S100A8: variants seen among roughly 807,000 people sequenced by gnomAD.
The protein encoded by S100A8 is protein S100-A8.
A neutral mutation model predicts 4.2 loss-of-function variants in S100A8; 1 was observed. The observed-to-expected ratio is 0.24, with a 90% CI of 0.08 to 1.12. The LOEUF is 1.12. S100A8 is among the 50% of genes most tolerant of loss of function. S100A8 has a pLI of 0.53. For missense variants in S100A8, 96 were observed against 111.8 expected, an observed-to-expected ratio of 0.86 and a Z score of 0.64; for synonymous variants, 41 against 44.7, an observed-to-expected ratio of 0.92 and a Z score of 0.33.
chr1:153,406,562 A>G, the S100A8 span, among the ~76,000 whole-genome samples: 1 of 152,206 alleles, frequency 6.6e-6, no homozygotes, highest in African/African-American at 2.4e-5. Context: ...GTCAGCACTC[A>G]CAGCATAAAT....
chr1:153,406,427 C>G, the S100A8 span, among the ~76,000 whole-genome samples: 2 of 152,084 alleles, frequency 1.3e-5, no homozygotes, highest in Non-Finnish European at 2.9e-5. Context: ...CTCTGTCCCA[C>G]TCTACTCTCT....
upstream of S100A8, among the ~76,000 whole-genome samples, chr1:153,392,644 C>T (rs577046329): frequency 3.5e-4 from 53 of 152,264 alleles, no homozygotes; most frequent in African/African-American, 1.1e-3. Flanking sequence ...GTGTTGTTGC[C>T]GAGGGCTAAA....
the S100A8 span, among the ~76,000 whole-genome samples, chr1:153,401,139 A>T: frequency 1.4e-4 from 22 of 152,246 alleles, no homozygotes; most frequent in African/African-American, 5.3e-4. Context: ...GACATCTCAC[A>T]TGCTTAATCA....
upstream of S100A8, among the ~76,000 whole-genome samples, chr1:153,393,360 T>A (rs533253446): frequency 1.1e-4 from 17 of 152,336 alleles, no homozygotes; most frequent in Admixed American, 8.5e-4. Flanking sequence ...TGTCTTTTCT[T>A]TGGGACCAGG....
chr1:153,416,102 G>A, the S100A8 span, among the ~76,000 whole-genome samples: 3 of 152,178 alleles, frequency 2.0e-5, no homozygotes, highest in African/African-American at 4.8e-5. Flanking sequence ...ACATTAAAAC[G>A]CTCAGTAAGC....
At chr1:153,401,464 G>A in the S100A8 span, among the ~76,000 whole-genome samples, 1 of 152,150 alleles carries the variant, frequency 6.6e-6, no homozygotes, top group Non-Finnish European at 1.5e-5. Context: ...TAAACATGGT[G>A]CCAAGCATGC....
chr1:153,403,944 G>A, the S100A8 span, among the ~76,000 whole-genome samples: 5 of 152,100 alleles, frequency 3.3e-5, no homozygotes, highest in African/African-American at 9.7e-5. Context: ...GATGCCAATC[G>A]CAGCACCTGA....
chr1:153,392,230 A>G (rs1211642294), upstream of S100A8, among the ~76,000 whole-genome samples: 6 of 152,240 alleles, frequency 3.9e-5, no homozygotes, highest in African/African-American at 1.4e-4. Flanking sequence ...ATGGTCAATA[A>G]GCATATGAAA....
At position 153,390,344 on chromosome 1, in the gene S100A8, G is replaced by A. The variant is rs766699265; in HGVS notation, c.141+51C>T. The A allele has an allele frequency of 2.4e-5, 38 of 1,607,174 alleles. No individual in the cohort carries two copies. The Admixed American group carries it at 5.7e-4, about 24-fold the overall frequency. On this transcript the variant is annotated intron_variant, in intron 2 of 2. Coordinates refer to ENST00000368733, the MANE Select transcript of S100A8 (RefSeq NM_002964.5). ...TGGCAGGGAGGACCGCTGGCCCAGG[G>A]CAGCCCCAGGACCAGGCAGAGAGCC...
the S100A8 span, among the ~76,000 whole-genome samples, chr1:153,396,283 C>A: frequency 6.6e-6 from 1 of 152,278 alleles, no homozygotes; most frequent in South Asian, 2.1e-4. Flanking sequence ...CAGACAGGGG[C>A]TCCCTGGAGG....
chr1:153,414,296 A>C, the S100A8 span, among the ~76,000 whole-genome samples: 1 of 152,262 alleles, frequency 6.6e-6, no homozygotes, highest in Non-Finnish European at 1.5e-5. Context: ...GCTTTGTGAA[A>C]GATATTGTCA....
At chr1:153,416,432 A>G in the S100A8 span, 1 of 312,544 alleles carries the variant, frequency 3.2e-6, no homozygotes. Context: ...AGCCTCCAAG[A>G]AACAGATGAC....
At chr1:153,416,935 G>A in the S100A8 span, among the ~76,000 whole-genome samples, 4 of 152,226 alleles carry the variant, frequency 2.6e-5, no homozygotes, top group South Asian at 8.3e-4. Flanking sequence ...GAGGGAGGAG[G>A]GATAAGGATC....
At chr1:153,407,304 C>G in the S100A8 span, among the ~76,000 whole-genome samples, 2 of 152,378 alleles carry the variant, frequency 1.3e-5, no homozygotes, top group African/African-American at 4.8e-5. Flanking sequence ...TAGCAAACAG[C>G]ACACCAGGAG....
chr1:153,392,404 G>T (rs1456715375), upstream of S100A8, among the ~76,000 whole-genome samples: 1 of 152,194 alleles, frequency 6.6e-6, no homozygotes, highest in Admixed American at 6.5e-5. Flanking sequence ...AAATAGTGCA[G>T]CTGTTATGGA....
upstream of S100A8, among the ~76,000 whole-genome samples, chr1:153,392,765 C>G (rs1344429473): frequency 6.6e-6 from 1 of 152,154 alleles, no homozygotes; most frequent in African/African-American, 2.4e-5. Flanking sequence ...CTGCATTGCA[C>G]AAGGGCATGA....
At chr1:153,419,991 C>T in the S100A8 span, 1 of 152,558 alleles carries the variant, frequency 6.6e-6, no homozygotes, top group Non-Finnish European at 1.5e-5. Flanking sequence ...CTTAGCTGTC[C>T]TAAATGATGG....
upstream of S100A8, among the ~76,000 whole-genome samples, chr1:153,396,040 G>A (rs1345890188): frequency 2.6e-5 from 4 of 152,320 alleles, no homozygotes; most frequent in South Asian, 4.1e-4. Flanking sequence ...GCGAGGCCTC[G>A]CTATCTCCCC....
chr1:153,417,665 C>A, the S100A8 span, among the ~76,000 whole-genome samples: 3 of 152,230 alleles, frequency 2.0e-5, no homozygotes, highest in South Asian at 6.2e-4. Context: ...GCCCCCGTGA[C>A]TCTCACCCCG....
Sources: gnomAD v4.1 joint callset for allele counts (sites outside exome capture counted in the v4.1 genomes callset) on GRCh38, gnomAD v4.1.1 for gene constraint, MANE v1.5 for transcripts, NCBI Gene and HGNC (gene_info 2026-07-23, HGNC 2026-07-21) for gene names.